SMCO4: variants seen among roughly 807,000 people sequenced by gnomAD.
SMCO4 encodes the protein single-pass membrane protein with coiled-coil domains 4.
A neutral mutation model predicts 3.6 loss-of-function variants in SMCO4; 4 were observed. The ratio of observed to expected loss-of-function variants is 1.11; its 90% confidence interval spans 0.54 to 2.53. The LOEUF is 2.53. SMCO4 is among the 30% of genes most tolerant of loss of function. SMCO4 has a pLI of 0.02. For missense variants in SMCO4, 70 were observed against 80.8 expected, an observed-to-expected ratio of 0.87 and a Z score of 0.51; for synonymous variants, 36 against 35.3, an observed-to-expected ratio of 1.02 and a Z score of -0.07.
chr11:93,546,939 C>T (rs1322963244), upstream of SMCO4, among the ~76,000 whole-genome samples: 1 of 152,200 alleles, frequency 6.6e-6, no homozygotes, highest in African/African-American at 2.4e-5. Flanking sequence ...GCCCCTTCCA[C>T]ATGCTGTTCC....
chr11:93,482,245 G>A (rs546210336), intron 2 of SMCO4, among the ~76,000 whole-genome samples: 2 of 152,322 alleles, frequency 1.3e-5, no homozygotes, highest in East Asian at 3.9e-4. Flanking sequence ...ATGGTGAAAA[G>A]GGACCAACCA....
intron 2 of SMCO4, among the ~76,000 whole-genome samples, chr11:93,491,814 C>T (rs575687524): frequency 1.3e-5 from 2 of 152,312 alleles, no homozygotes; most frequent in South Asian, 4.1e-4. Flanking sequence ...CACAACTTCG[C>T]CAGAACTTGC....
chr11:93,537,831 CACGGAGT>C (rs1354620706), intron 1 of SMCO4: 1 of 151,858 alleles, frequency 6.6e-6, no homozygotes, highest in East Asian at 2.0e-4. Flanking sequence ...CAGACTCTTG[CACGGAGT>C]GACTCACCGG....
At chr11:93,526,942 T>A (rs75052428) in intron 1 of SMCO4, among the ~76,000 whole-genome samples, 8,601 of 152,286 alleles carry the variant, frequency 0.056, 402 homozygotes, top group Middle Eastern at 0.092. Context: ...CTCTAGGCCA[T>A]TGCCCTTTCC....
intron 1 of SMCO4, among the ~76,000 whole-genome samples, chr11:93,533,411 A>G (rs1252298104): frequency 2.0e-5 from 3 of 152,226 alleles, no homozygotes; most frequent in Non-Finnish European, 4.4e-5. Context: ...TCTTTCCTGC[A>G]TCTGGCTATA....
At chr11:93,480,414 C>T (rs969969981) in intron 2 of SMCO4, among the ~76,000 whole-genome samples, 1 of 152,194 alleles carries the variant, frequency 6.6e-6, no homozygotes, top group African/African-American at 2.4e-5. Flanking sequence ...CGCCACCCCC[C>T]AGCATTCTGC....
chr11:93,506,596 G>A (rs577198976), intron 1 of SMCO4, among the ~76,000 whole-genome samples: 1 of 151,700 alleles, frequency 6.6e-6, no homozygotes, highest in Admixed American at 6.6e-5. Context: ...CCGCCACCAC[G>A]TCTAGCTAAT....
chr11:93,552,430 G>T, the SMCO4 span, among the ~76,000 whole-genome samples: 83 of 143,270 alleles, frequency 5.8e-4, no homozygotes, highest in African/African-American at 2.0e-3. Context: ...GTAGGCCACC[G>T]TGCCCAGCCA....
intron 2 of SMCO4, among the ~76,000 whole-genome samples, chr11:93,488,660 C>A (rs116957917): frequency 0.015 from 2,257 of 152,136 alleles, 96 homozygotes; most frequent in East Asian, 0.14. Flanking sequence ...GTGGGGACAG[C>A]TGGAGTTTGA....
At chr11:93,513,571 G>A (rs78961217) in intron 1 of SMCO4, among the ~76,000 whole-genome samples, 2,182 of 152,160 alleles carry the variant, frequency 0.014, 46 homozygotes, top group African/African-American at 0.049. Flanking sequence ...TGAGGGAGAC[G>A]GAGGTATCAA....
chr11:93,513,734 C>T (rs1029756252), intron 1 of SMCO4, among the ~76,000 whole-genome samples: 1 of 152,192 alleles, frequency 6.6e-6, no homozygotes. Flanking sequence ...TTCACTTATA[C>T]ACTTTCCCAA....
chr11:93,513,634 C>T (rs2134612160), intron 1 of SMCO4, among the ~76,000 whole-genome samples: 1 of 152,178 alleles, frequency 6.6e-6, no homozygotes, highest in South Asian at 2.1e-4. Flanking sequence ...AGATGGAGGG[C>T]CCAGGAGGAA....
At chr11:93,544,694 C>G (rs12289503), upstream of SMCO4, among the ~76,000 whole-genome samples, 1 of 151,888 alleles carries the variant, frequency 6.6e-6, no homozygotes, top group African/African-American at 2.4e-5. Flanking sequence ...GGCAGCAATG[C>G]AGTAGAGTGG....
At chr11:93,543,031 G>C (rs1009992913) in intron 1 of SMCO4, among the ~76,000 whole-genome samples, 43 of 151,576 alleles carry the variant, frequency 2.8e-4, no homozygotes, top group Non-Finnish European at 5.2e-4. Context: ...GCAGCGTCTC[G>C]AGCCGCGACG....
intron 1 of SMCO4, 123 bp from the exon 2 acceptor site, chr11:93,499,471 T>C (rs1183688882): frequency 6.6e-6 from 1 of 152,138 alleles, no homozygotes; most frequent in Non-Finnish European, 1.5e-5. Flanking sequence ...CTCTCCCAAC[T>C]GGCTTAGGGA....
At chr11:93,518,319 A>C (rs1241607297) in intron 1 of SMCO4, among the ~76,000 whole-genome samples, 1 of 152,202 alleles carries the variant, frequency 6.6e-6, no homozygotes, top group Non-Finnish European at 1.5e-5. Flanking sequence ...CATTGTACAG[A>C]TATGGAGATA....
chr11:93,545,237 A>G (rs1949306211), upstream of SMCO4, among the ~76,000 whole-genome samples: 2 of 152,196 alleles, frequency 1.3e-5, no homozygotes, highest in South Asian at 2.1e-4. Context: ...GTCCCTTAAT[A>G]AGGTGACTCC....
At chr11:93,490,327 G>A (rs1183348603) in intron 2 of SMCO4, among the ~76,000 whole-genome samples, 2 of 152,190 alleles carry the variant, frequency 1.3e-5, no homozygotes, top group African/African-American at 2.4e-5. Context: ...ACCATTAAAA[G>A]GACAAAGATG....
intron 1 of SMCO4, among the ~76,000 whole-genome samples, chr11:93,514,341 A>G (rs187444183): frequency 7.1e-6 from 1 of 141,702 alleles, no homozygotes; most frequent in East Asian, 2.3e-4. Context: ...GGAAGGAATC[A>G]GGAAGACAAA....
Sources: gnomAD v4.1 joint callset for allele counts (sites outside exome capture counted in the v4.1 genomes callset) on GRCh38, gnomAD v4.1.1 for gene constraint, MANE v1.5 for transcripts, NCBI Gene and HGNC (gene_info 2026-07-23, HGNC 2026-07-21) for gene names.